The following LHPP variants were observed in gnomAD, a reference collection of about 807,000 sequenced individuals.
The protein encoded by LHPP is phospholysine phosphohistidine inorganic pyrophosphate phosphatase.
In LHPP, 24 loss-of-function variants were observed where a neutral mutation model predicts 30.3. The ratio of observed to expected loss-of-function variants is 0.79; its 90% CI spans 0.57 to 1.11. LHPP has a LOEUF of 1.11. Ranked by LOEUF, LHPP falls within the 50% of genes most tolerant of loss-of-function variation. The probability of loss-of-function intolerance (pLI) is 0.00; values close to 1 mark genes in which losing one functional copy is unlikely to be tolerated. For synonymous variants in LHPP, 150 were observed against 157.1 expected (o/e 0.95, Z 0.34); for missense variants, 356 against 367.2 (o/e 0.97, Z 0.25).
Position 124,523,523 on chromosome 10 carries a change from G to C in LHPP, c.716+6252G>C, listed in dbSNP as rs1056796341. Among the ~76,000 whole-genome samples the C allele has an allele frequency of 6.6e-6, 1 of 152,242 alleles. No homozygotes were observed. Among genetic ancestry groups the C allele is most frequent in the Non-Finnish European group, 1.5e-5 (1 of 68,044 alleles). On this transcript the variant is annotated intron_variant, in intron 6 of 6. Coordinates refer to ENST00000368842, the MANE Select transcript of LHPP (RefSeq NM_022126.4). The surrounding 1 kb of genome is among the most constrained non-coding windows in gnomAD (Gnocchi z 4.2). ...CGGATTTCAGAGTGTTTCCTGTTACGAGAAGGCTGTGGATTCGCTTTGGAA... is the reference window on the plus strand; with the variant it reads ...CGGATTTCAGAGTGTTTCCTGTTACCAGAAGGCTGTGGATTCGCTTTGGAA...
intron 6 of LHPP, among the ~76,000 whole-genome samples, chr10:124,526,640 G>A (rs887155066): frequency 6.7e-6 from 1 of 149,368 alleles, no homozygotes; most frequent in African/African-American, 2.4e-5. Context: ...ACACACACAC[G>A]ACCTGCTGCT....
intron 3 of LHPP, among the ~76,000 whole-genome samples, chr10:124,494,808 G>T (rs1953655830): frequency 6.6e-6 from 1 of 152,160 alleles, no homozygotes; most frequent in Admixed American, 6.5e-5. Flanking sequence ...GTTTGTCTGT[G>T]GGCTTCTTTG....
At chr10:124,479,815 TTGC>T (rs965864040) in intron 1 of LHPP, among the ~76,000 whole-genome samples, 2 of 152,356 alleles carry the variant, frequency 1.3e-5, no homozygotes, top group Non-Finnish European at 2.9e-5. Flanking sequence ...CTCACAGGCC[TTGC>T]TGCTTACAAG....
At chr10:124,507,507 A>G (rs376606056) in intron 5 of LHPP, among the ~76,000 whole-genome samples, 4 of 256 alleles carry the variant, frequency 0.016, no homozygotes, top group Non-Finnish European at 0.021. Flanking sequence ...AGGTGGGGGG[A>G]TAGGGAGTAT....
At chr10:124,463,714 G>A (rs551846767) in intron 1 of LHPP, among the ~76,000 whole-genome samples, 49 of 150,928 alleles carry the variant, frequency 3.2e-4, no homozygotes, top group Admixed American at 1.9e-3. Flanking sequence ...TCATTATGTT[G>A]CCAGGGTGGT....
intron 6 of LHPP, among the ~76,000 whole-genome samples, chr10:124,578,514 G>A (rs1355368672): frequency 1.3e-5 from 2 of 152,226 alleles, no homozygotes; most frequent in Non-Finnish European, 2.9e-5. Context: ...GGACGCAAAC[G>A]GTTACCACTG....
At chr10:124,525,905 G>A (rs545364816) in intron 6 of LHPP, among the ~76,000 whole-genome samples, 21 of 152,306 alleles carry the variant, frequency 1.4e-4, no homozygotes, top group Admixed American at 5.9e-4. Flanking sequence ...TGGGAAAACC[G>A]GTGGGCTGAG....
chr10:124,572,694 G>T (rs1375171225), intron 6 of LHPP, among the ~76,000 whole-genome samples: 1 of 140,782 alleles, frequency 7.1e-6, no homozygotes, highest in African/African-American at 2.6e-5. Context: ...AGGGAGGGAG[G>T]AAGGAAGGGA....
At chr10:124,521,386 G>C (rs546842105) in intron 6 of LHPP, among the ~76,000 whole-genome samples, 1 of 152,348 alleles carries the variant, frequency 6.6e-6, no homozygotes, top group South Asian at 2.1e-4. Flanking sequence ...TCTGCACAGC[G>C]GTGAGCCCCC....
Position 124,581,768 on chromosome 10 carries a change from T to TAC in LHPP, c.717-31476_717-31475dup, listed in dbSNP as rs59904986. Among the ~76,000 whole-genome samples, 432 of 100,818 alleles carry TAC rather than the reference T, an allele frequency of 4.3e-3. 3 individuals carry two copies. Among genetic ancestry groups the TAC allele is most frequent in the South Asian group, 0.038 (102 of 2,656 alleles). 66.1% of individuals were successfully genotyped at this position (100,818 alleles called of 152,430 possible). On this transcript the variant is annotated intron_variant, in intron 6 of 6. Coordinates refer to ENST00000368842, the MANE Select transcript of LHPP (RefSeq NM_022126.4). ...ATTTTAATACATACATATATGTATATACACACACACACACACACACATTTT... is the reference window on the plus strand; with the variant it reads ...ATTTTAATACATACATATATGTATATACACACACACACACACACACACATTTT...
At chr10:124,533,541 G>T (rs560877710) in intron 6 of LHPP, among the ~76,000 whole-genome samples, 1 of 152,348 alleles carries the variant, frequency 6.6e-6, no homozygotes, top group East Asian at 1.9e-4. Context: ...AGAAGGATAG[G>T]CGCTTGATTG....
chr10:124,589,804 G>A (rs1022644233), intron 6 of LHPP, among the ~76,000 whole-genome samples: 7 of 152,186 alleles, frequency 4.6e-5, no homozygotes, highest in African/African-American at 1.7e-4. Context: ...CCCTGGTGCC[G>A]CAGCCCCTCT....
chr10:124,464,368 A>G (rs569963844), intron 1 of LHPP, among the ~76,000 whole-genome samples: 10 of 152,190 alleles, frequency 6.6e-5, no homozygotes, highest in African/African-American at 1.9e-4. Flanking sequence ...ACCCCATTCT[A>G]CCAATCTGCA....
rs1449860656 is a variant in LHPP at position 124,498,444 on chromosome 10, G to A, written c.624+316G>A. The A allele has an allele frequency of 2.7e-6, 4 of 1,509,062 alleles. No individual in the cohort carries two copies. In the East Asian group the frequency reaches 9.9e-5, roughly 37 times the overall value. 93.5% of individuals were successfully genotyped at this position (1,509,062 alleles called of 1,614,324 possible). A position where few individuals can be genotyped will look rare whatever the true frequency, so the allele number is the denominator to read the frequency against. On this transcript the variant is annotated intron_variant, in intron 5 of 6. Transcript: ENST00000368842. ...TATCAGTGTGTTAATATATCTCACT[G>A]GCAAGACAGTGTAACAGCAAGATTA...
chr10:124,531,197 A>G (rs1421396352), intron 6 of LHPP, among the ~76,000 whole-genome samples: 1 of 152,050 alleles, frequency 6.6e-6, no homozygotes, highest in African/African-American at 2.4e-5. Context: ...CCCAATTGCA[A>G]GGGCCTGAGG....
chr10:124,463,295 G>T (rs1281951121), intron 1 of LHPP, among the ~76,000 whole-genome samples: 2 of 151,448 alleles, frequency 1.3e-5, no homozygotes, highest in Admixed American at 6.6e-5. Context: ...TTATAATTCT[G>T]TTGGACTGCA....
chr10:124,545,423 C>T (rs780853129), intron 6 of LHPP, among the ~76,000 whole-genome samples: 20 of 152,222 alleles, frequency 1.3e-4, no homozygotes, highest in Admixed American at 3.9e-4. Flanking sequence ...GGGGTGCTGG[C>T]GGCCCCTGCA....
At chr10:124,557,123 C>T (rs1250637319) in intron 6 of LHPP, among the ~76,000 whole-genome samples, 6 of 152,194 alleles carry the variant, frequency 3.9e-5, no homozygotes, top group Non-Finnish European at 1.5e-5. Context: ...GACCAGGGTT[C>T]AAATCCCCAC....
chr10:124,518,840 T>G (rs1312680246), intron 6 of LHPP, among the ~76,000 whole-genome samples: 2 of 152,222 alleles, frequency 1.3e-5, no homozygotes, highest in Non-Finnish European at 2.9e-5. Context: ...CAAGGGTTGG[T>G]GCTTTTCAGA....
Sources: allele counts gnomAD v4.1 joint callset (sites outside exome capture counted in the v4.1 genomes callset), GRCh38; gene constraint gnomAD v4.1.1; non-coding constraint Gnocchi (gnomAD v3.1); transcripts MANE v1.5; gene names NCBI Gene and HGNC (gene_info 2026-07-23, HGNC 2026-07-21).